ASMT: variants seen among roughly 807,000 people sequenced by gnomAD.
The protein encoded by ASMT is acetylserotonin O-methyltransferase, also known as acetylserotonin N-methyltransferase.
ASMT carries 53 observed loss-of-function variants against 41.3 expected under a neutral mutation model. The ratio of observed to expected loss-of-function variants is 1.28; its 90% CI spans 1.03 to 1.61. ASMT has a LOEUF of 1.61. Among genes scored for constraint, ASMT ranks in the 40% most tolerant of loss-of-function variants. The pLI is 0.00. For missense variants in ASMT, 531 were observed against 441.3 expected, an observed-to-expected ratio of 1.20 and a Z score of -1.82; for synonymous variants, 231 against 184.8, an observed-to-expected ratio of 1.25 and a Z score of -2.03.
At position 1,627,637 on chromosome X, in the gene ASMT, AT is replaced by A. The variant is rs1218385635; in HGVS notation, c.375-65del. ...ATGAAATGAAACGAAATGAAACGAA[AT>A]GAAATGAAATGAAATGAAATGAAAT... is the stretch of plus-strand genomic sequence containing the variant. On this transcript the variant is annotated intron_variant, in intron 3 of 8. Coordinates refer to ENST00000381241, the MANE Select transcript of ASMT (RefSeq NM_001171038.2). 4 of 413,838 alleles carry A rather than the reference AT, an allele frequency of 9.7e-6. No homozygotes were observed. In the South Asian group the frequency reaches 1.4e-4, roughly 15 times the overall value. The allele number at this position is 413,838 out of a possible 1,614,324, so 25.6% of individuals were successfully genotyped here.
intron 8 of ASMT, among the ~76,000 whole-genome samples, chrX:1,636,991 C>CCT (rs1379911083): frequency 4.5e-5 from 3 of 66,576 alleles, no homozygotes; most frequent in Non-Finnish European, 5.8e-5. Context: ...GTGGGCACAG[C>CCT]CTCTGTGTGT....
chrX:1,630,518 G>A (rs1178890691), intron 5 of ASMT, among the ~76,000 whole-genome samples: 3 of 151,926 alleles, frequency 2.0e-5, no homozygotes, highest in African/African-American at 7.3e-5. Flanking sequence ...TGTTGGCCAG[G>A]CTGGTCTCGA....
In ASMT at chrX:1,615,166, A is replaced by C; in HGVS notation, c.-34A>C. On this transcript the variant is annotated 5_prime_UTR_variant, in exon 1 of 9. Transcript: ENST00000381241. ...GTGCTCCTTGAAGCAAGCGCTCCAGAGGCTCCGGAAGCCACGGCTGGATTG... is the reference window on the plus strand; with the variant it reads ...GTGCTCCTTGAAGCAAGCGCTCCAGCGGCTCCGGAAGCCACGGCTGGATTG... 6 of 1,566,406 alleles carry C rather than the reference A, an allele frequency of 3.8e-6. No individual in the cohort carries two copies. The highest frequency in any genetic ancestry group is 5.2e-6 in the Non-Finnish European group (6 of 1,154,582).
intron 4 of ASMT, among the ~76,000 whole-genome samples, chrX:1,629,487 G>A (rs1321422249): frequency 6.6e-6 from 1 of 152,152 alleles, no homozygotes; most frequent in Non-Finnish European, 1.5e-5. Flanking sequence ...TCCTGGATTT[G>A]TCCTCTGGGG....
intron 1 of ASMT, among the ~76,000 whole-genome samples, chrX:1,617,244 C>T (rs1261585274): frequency 2.6e-5 from 4 of 151,474 alleles, no homozygotes; most frequent in Admixed American, 6.6e-5. Flanking sequence ...CCAAGGTGGG[C>T]GGATCACTTG....
chrX:1,622,094 G>A (rs1388472304), intron 1 of ASMT, among the ~76,000 whole-genome samples: 6 of 151,938 alleles, frequency 3.9e-5, no homozygotes, highest in East Asian at 3.9e-4. Context: ...CCGGGTTTAC[G>A]CCATTCTCCT....
chrX:1,620,335 T>C (rs1447273073), intron 1 of ASMT, among the ~76,000 whole-genome samples: 3 of 151,248 alleles, frequency 2.0e-5, no homozygotes, highest in African/African-American at 7.3e-5. Context: ...CCATGCCTAC[T>C]TTTTGTATTT....
At chrX:1,634,666 T>A (rs1473748405) in intron 7 of ASMT, among the ~76,000 whole-genome samples, 2 of 146,302 alleles carry the variant, frequency 1.4e-5, no homozygotes, top group African/African-American at 5.0e-5. Flanking sequence ...CCCCCCCTTT[T>A]TTTTTCTTGT....
At chrX:1,616,970 A>G (rs1393450971) in intron 1 of ASMT, among the ~76,000 whole-genome samples, 1 of 151,938 alleles carries the variant, frequency 6.6e-6, no homozygotes, top group Non-Finnish European at 1.5e-5. Flanking sequence ...GGCCTCCCAA[A>G]GTGCTGGGAT....
chrX:1,629,913 T>C lies in ASMT; in HGVS notation c.536T>C (p.Val179Ala). 6.2e-7 allele frequency: 1 copy of C among 1,613,976 alleles called. No individual in the cohort carries two copies. The highest frequency in any genetic ancestry group is 1.1e-5 in the South Asian group (1 of 91,078). Residue 179 changes from valine to alanine, a missense_variant, in exon 5 of 9, where the codon GTG (valine) becomes GCG (alanine). Val to Ala is a moderately conservative substitution (Grantham distance 64, BLOSUM62 0). Coordinates refer to ENST00000381241, the MANE Select transcript of ASMT (RefSeq NM_001171038.2). ...RSVLTAFDLS[V>A]FPLMCDLGGT... is the part of the protein sequence containing the mutation. The stretch of plus-strand genomic sequence containing the variant: ...GTGCTGACCGCCTTTGACCTGTCAG[T>C]GTTCCCACTTATGTGTGACCTTGGT...
intron 4 of ASMT, among the ~76,000 whole-genome samples, chrX:1,628,275 C>G (rs1335462386): frequency 2.6e-5 from 4 of 152,134 alleles, no homozygotes; most frequent in African/African-American, 9.7e-5. Flanking sequence ...GATCTGAGAT[C>G]GCACCACTGC....
intron 5 of ASMT, among the ~76,000 whole-genome samples, chrX:1,631,501 C>A (rs1348069860): frequency 6.6e-6 from 1 of 152,170 alleles, no homozygotes; most frequent in Admixed American, 6.6e-5. Context: ...CAGCTCCTGG[C>A]TGGTAGAAGG....
chrX:1,633,436 A>G, intron 7 of ASMT, 146 bp downstream of exon 7: 3 of 895,892 alleles, frequency 3.3e-6, no homozygotes, highest in African/African-American at 1.6e-5. Context: ...GTTATTCATG[A>G]TGGATGGAAA....
chrX:1,637,215 A>T (rs561737924), intron 8 of ASMT, among the ~76,000 whole-genome samples: 526 of 21,970 alleles, frequency 0.024, 74 homozygotes, highest in South Asian at 0.12. Context: ...TCCTGATGGC[A>T]CATGAGGATG....
At chrX:1,635,425 ATCTGG>A (rs1379805529) in intron 7 of ASMT, among the ~76,000 whole-genome samples, 2 of 152,234 alleles carry the variant, frequency 1.3e-5, no homozygotes, top group African/African-American at 4.8e-5. Flanking sequence ...TTTACTTTAA[ATCTGG>A]AGAACAGGTC....
At chrX:1,632,210 G>C (rs1934801847) in intron 5 of ASMT, among the ~76,000 whole-genome samples, 1 of 152,156 alleles carries the variant, frequency 6.6e-6, no homozygotes, top group Non-Finnish European at 1.5e-5. Flanking sequence ...CCCTTGGCTG[G>C]ACAGGTGCGC....
intron 5 of ASMT, among the ~76,000 whole-genome samples, chrX:1,630,403 T>C (rs763817364): frequency 1.3e-4 from 19 of 149,560 alleles, no homozygotes; most frequent in African/African-American, 4.7e-4. Context: ...CCTCCTGGGT[T>C]CAAGCGATTC....
At chrX:1,634,178 C>T (rs1934877278) in intron 7 of ASMT, among the ~76,000 whole-genome samples, 1 of 152,184 alleles carries the variant, frequency 6.6e-6, no homozygotes, top group Admixed American at 6.6e-5. Context: ...AGCCATCATA[C>T]ACATAGTTAT....
intron 7 of ASMT, among the ~76,000 whole-genome samples, chrX:1,634,224 C>T (rs1302102533): frequency 1.6e-4 from 24 of 152,180 alleles, no homozygotes; most frequent in African/African-American, 3.6e-4. Flanking sequence ...TGCATATCAG[C>T]GAAGGAGAAA....
Sources: gnomAD v4.1 joint callset for allele counts (sites outside exome capture counted in the v4.1 genomes callset) on GRCh38, gnomAD v4.1.1 for gene constraint, MANE v1.5 for transcripts, NCBI Gene and HGNC (gene_info 2026-07-23, HGNC 2026-07-21) for gene names.